DPYSL3: variants seen among roughly 807,000 people sequenced by gnomAD.
The protein encoded by DPYSL3 is dihydropyrimidinase like 3, also known as dihydropyrimidinase-related protein 3.
DPYSL3 carries 16 observed loss-of-function variants against 66.1 expected under a neutral mutation model. The ratio of observed to expected loss-of-function variants is 0.24; its 90% CI spans 0.16 to 0.37. The LOEUF is 0.37. Among genes scored for constraint, DPYSL3 ranks in the 10% least tolerant of loss-of-function variants. The pLI, the probability that DPYSL3 is intolerant of heterozygous loss-of-function variation, is 1.00. For missense variants in DPYSL3, 738 were observed against 916.2 expected (o/e 0.81, Z 2.51); for synonymous variants, 338 against 345.1 (o/e 0.98, Z 0.23).
intron 8 of DPYSL3, among the ~76,000 whole-genome samples, chr5:147,404,748 A>C (rs566314146): frequency 1.3e-5 from 2 of 152,350 alleles, no homozygotes; most frequent in East Asian, 1.9e-4. Flanking sequence ...TGGAGAAAAG[A>C]AGCAGAAGTC....
intron 1 of DPYSL3, among the ~76,000 whole-genome samples, chr5:147,496,832 G>T (rs1051541003): frequency 9.2e-5 from 14 of 151,978 alleles, no homozygotes; most frequent in African/African-American, 3.4e-4. Flanking sequence ...CATTGTGGAA[G>T]TCAGTGTGGC....
intron 1 of DPYSL3, among the ~76,000 whole-genome samples, chr5:147,499,272 T>C (rs1753567096): frequency 6.6e-6 from 1 of 152,200 alleles, no homozygotes; most frequent in Non-Finnish European, 1.5e-5. Context: ...AGAAAAGCCC[T>C]CAGGAACTAG....
intron 1 of DPYSL3, among the ~76,000 whole-genome samples, chr5:147,443,293 T>C (rs1219878952): frequency 6.6e-6 from 1 of 152,174 alleles, no homozygotes; most frequent in Admixed American, 6.5e-5. Flanking sequence ...TGGAATACTA[T>C]GCAGCCATAA....
At chr5:147,453,474 C>T (rs1581202961) in intron 1 of DPYSL3, 1 of 1,484,094 alleles carries the variant, frequency 6.7e-7, no homozygotes, top group Non-Finnish European at 9.0e-7. Context: ...CCGGCGGGAT[C>T]CGAGCCGACC....
chr5:147,497,708 A>T (rs745734877), intron 1 of DPYSL3, among the ~76,000 whole-genome samples: 10 of 48,672 alleles, frequency 2.1e-4, no homozygotes, highest in African/African-American at 1.2e-3. Context: ...CATTCATGAT[A>T]AAAAAAAAAA....
intron 1 of DPYSL3, among the ~76,000 whole-genome samples, chr5:147,478,532 AT>A (rs1333044671): frequency 6.6e-6 from 1 of 152,136 alleles, no homozygotes. Context: ...ACCCTGTGTA[AT>A]TTGGCCTTGA....
intron 1 of DPYSL3, among the ~76,000 whole-genome samples, chr5:147,480,653 G>A (rs180758310): frequency 6.6e-6 from 1 of 151,080 alleles, no homozygotes; most frequent in Admixed American, 6.6e-5. Context: ...AATCAATACA[G>A]ATTTGTTGAA....
At chr5:147,456,106 C>T (rs1020532208) in intron 1 of DPYSL3, among the ~76,000 whole-genome samples, 10 of 152,226 alleles carry the variant, frequency 6.6e-5, no homozygotes, top group Non-Finnish European at 8.8e-5. Flanking sequence ...AAATGTACAA[C>T]AAACACTATT....
intron 1 of DPYSL3, among the ~76,000 whole-genome samples, chr5:147,443,805 T>A (rs1035717643): frequency 6.6e-6 from 1 of 152,110 alleles, no homozygotes. Flanking sequence ...TTTTGCTAAT[T>A]CAATGCAAAG....
At chr5:147,399,480 CCT>C (rs1758107069) in intron 10 of DPYSL3, among the ~76,000 whole-genome samples, 1 of 141,828 alleles carries the variant, frequency 7.1e-6, no homozygotes, top group African/African-American at 2.5e-5. Context: ...AGTTACTGCC[CCT>C]GAAGTATGCA....
At chr5:147,396,202 C>T (rs543281435) in intron 12 of DPYSL3, among the ~76,000 whole-genome samples, 1 of 152,282 alleles carries the variant, frequency 6.6e-6, no homozygotes, top group Non-Finnish European at 1.5e-5. Context: ...CACCCTCACA[C>T]TCTTCAGCAC....
intron 1 of DPYSL3, among the ~76,000 whole-genome samples, chr5:147,454,962 C>CA (rs915161612): frequency 5.3e-5 from 8 of 151,874 alleles, no homozygotes; most frequent in Non-Finnish European, 1.0e-4. Flanking sequence ...ACTTGCTATG[C>CA]AAAAAAAATT....
At chr5:147,475,746 G>T (rs1242039006) in intron 1 of DPYSL3, among the ~76,000 whole-genome samples, 1 of 152,058 alleles carries the variant, frequency 6.6e-6, no homozygotes, top group East Asian at 1.9e-4. Flanking sequence ...TTAAAGGGTT[G>T]TCTTAACATG....
chr5:147,453,778 C>T lies in DPYSL3; in HGVS notation c.382-28815G>A, dbSNP rs1752792432. 2.3e-6 allele frequency: 3 copies of T among 1,276,640 alleles called. No homozygotes were observed. In the South Asian group the frequency reaches 7.6e-5, roughly 32 times the overall value. 79.1% of individuals were successfully genotyped at this position (1,276,640 alleles called of 1,614,324 possible). The stretch of plus-strand genomic sequence containing the variant: ...GGCTGCCAGAGACAATAGTAAATCT[C>T]CCCGGTCCCCCTTTCACCCCCGCCC... On this transcript the variant is annotated intron_variant, in intron 1 of 13. Coordinates refer to ENST00000343218, the MANE Select transcript of DPYSL3 (RefSeq NM_001197294.2).
intron 1 of DPYSL3, among the ~76,000 whole-genome samples, chr5:147,491,766 A>G (rs911332783): frequency 4.6e-5 from 7 of 151,984 alleles, no homozygotes; most frequent in African/African-American, 1.7e-4. Flanking sequence ...AAAAAAGACC[A>G]AAAAAAGACC....
chr5:147,437,006 T>A (rs1247228175), intron 1 of DPYSL3, among the ~76,000 whole-genome samples: 1 of 151,930 alleles, frequency 6.6e-6, no homozygotes, highest in East Asian at 1.9e-4. Flanking sequence ...CGGGCTTGAG[T>A]TAATGCCACG....
At chr5:147,441,218 G>C (rs558148486) in intron 1 of DPYSL3, among the ~76,000 whole-genome samples, 10 of 152,210 alleles carry the variant, frequency 6.6e-5, no homozygotes, top group African/African-American at 2.4e-4. Flanking sequence ...AGTACCACAG[G>C]CTGATGGTTT....
chr5:147,463,733 C>G (rs1752968821), intron 1 of DPYSL3, among the ~76,000 whole-genome samples: 1 of 152,114 alleles, frequency 6.6e-6, no homozygotes, highest in Admixed American at 6.5e-5. Flanking sequence ...GATTCAGCTA[C>G]TGGTGCTGTC....
chr5:147,507,245 A>G (rs1156253223), intron 1 of DPYSL3, among the ~76,000 whole-genome samples: 1 of 152,210 alleles, frequency 6.6e-6, no homozygotes, highest in Non-Finnish European at 1.5e-5. Flanking sequence ...AAATCATTAA[A>G]ATGTCTCATA....
Sources: gnomAD v4.1 joint callset for allele counts (sites outside exome capture counted in the v4.1 genomes callset) on GRCh38, gnomAD v4.1.1 for gene constraint, MANE v1.5 for transcripts, NCBI Gene and HGNC (gene_info 2026-07-23, HGNC 2026-07-21) for gene names.